The following SPIN1 variants were observed in gnomAD, a reference collection of about 807,000 sequenced individuals.
SPIN1 encodes spindlin-1.
In SPIN1, 3 loss-of-function variants were observed where a neutral mutation model predicts 26.0. The ratio of observed to expected loss-of-function variants is 0.12; its 90% CI spans 0.05 to 0.30. The LOEUF is 0.30. Ranked by LOEUF, SPIN1 falls within the 10% of genes least tolerant of loss-of-function variation. SPIN1 has a pLI of 1.00. For missense variants in SPIN1, 126 were observed against 333.4 expected (o/e 0.38, Z 4.84); for synonymous variants, 101 against 116.5 (o/e 0.87, Z 0.86).
chr9:88,420,791 C>G (rs1827654373), intron 1 of SPIN1, among the ~76,000 whole-genome samples: 1 of 152,126 alleles, frequency 6.6e-6, no homozygotes, highest in Non-Finnish European at 1.5e-5. Context: ...AATTCATTAT[C>G]AGAGGACTAA....
intron 1 of SPIN1, among the ~76,000 whole-genome samples, chr9:88,394,519 C>T (rs1323830081): frequency 6.6e-6 from 1 of 152,154 alleles, no homozygotes; most frequent in Non-Finnish European, 1.5e-5. Flanking sequence ...ATGAGCTTAT[C>T]CTTTTTTCTC....
chr9:88,422,147 T>G (rs1469656265), intron 1 of SPIN1, among the ~76,000 whole-genome samples: 2 of 152,216 alleles, frequency 1.3e-5, no homozygotes, highest in Non-Finnish European at 2.9e-5. Flanking sequence ...ATTATTGTTC[T>G]CCAGCAACCT....
intron 3 of SPIN1, among the ~76,000 whole-genome samples, chr9:88,459,635 A>G (rs1180448895): frequency 6.6e-6 from 1 of 152,214 alleles, no homozygotes; most frequent in Non-Finnish European, 1.5e-5. Context: ...TTGAAATATC[A>G]GAACAGATAA....
chr9:88,404,600 C>G lies in SPIN1; in HGVS notation c.-159+16062C>G, dbSNP rs150599158. Among the ~76,000 whole-genome samples the G allele has an allele frequency of 7.4e-3, 1,129 of 152,086 alleles. 16 individuals carry two copies. The highest frequency in any genetic ancestry group is 0.025 in the African/African-American group (1,056 of 41,490). ...TAAAAATTTATTACTTTTGTTTTTA[C>G]TTTTTAAACTTTTTGTTAAAAACTA... is the stretch of plus-strand genomic sequence containing the variant. On this transcript the variant is annotated intron_variant, in intron 1 of 5. Coordinates refer to ENST00000375859, the MANE Select transcript of SPIN1 (RefSeq NM_006717.3).
intron 2 of SPIN1, among the ~76,000 whole-genome samples, chr9:88,434,253 A>G (rs942778778): frequency 6.6e-6 from 1 of 151,946 alleles, no homozygotes; most frequent in Non-Finnish European, 1.5e-5. Flanking sequence ...TTTCTCTTGC[A>G]TATTATGGTT....
At chr9:88,413,222 A>G (rs1487582299) in intron 1 of SPIN1, among the ~76,000 whole-genome samples, 1 of 149,060 alleles carries the variant, frequency 6.7e-6, no homozygotes, top group Admixed American at 6.7e-5. Flanking sequence ...GCGTGCCACC[A>G]CATCTGGCTA....
chr9:88,409,792 C>T (rs973787502), intron 1 of SPIN1, among the ~76,000 whole-genome samples: 19 of 151,222 alleles, frequency 1.3e-4, no homozygotes, highest in South Asian at 2.1e-4. Context: ...GAGCTGAGAT[C>T]GCGCCACTGC....
intron 2 of SPIN1, among the ~76,000 whole-genome samples, chr9:88,444,499 T>A (rs1362312812): frequency 6.6e-6 from 1 of 151,922 alleles, no homozygotes; most frequent in African/African-American, 2.4e-5. Context: ...CGCCTCAGCC[T>A]CCCAAAGTGC....
chr9:88,470,717 C>G (rs1828765723), intron 5 of SPIN1, among the ~76,000 whole-genome samples: 1 of 152,024 alleles, frequency 6.6e-6, no homozygotes, highest in African/African-American at 2.4e-5. Context: ...GCCTCAGCCT[C>G]CCCAGTAGCT....
intron 1 of SPIN1, among the ~76,000 whole-genome samples, chr9:88,409,909 TTC>T (rs1827400666): frequency 6.6e-6 from 1 of 152,080 alleles, no homozygotes; most frequent in Non-Finnish European, 1.5e-5. Flanking sequence ...CCTTCTTAAG[TTC>T]AGCAATTCAG....
At chr9:88,451,459 G>C (rs1479290375) in intron 3 of SPIN1, among the ~76,000 whole-genome samples, 4 of 152,196 alleles carry the variant, frequency 2.6e-5, no homozygotes, top group African/African-American at 9.7e-5. Flanking sequence ...CCTATAGGCT[G>C]AGCACCTTGT....
intron 1 of SPIN1, among the ~76,000 whole-genome samples, chr9:88,408,991 G>A (rs943555732): frequency 5.4e-5 from 8 of 147,986 alleles, no homozygotes; most frequent in Non-Finnish European, 8.9e-5. Context: ...TTGTGTGTGT[G>A]TGTGTGTGTG....
chr9:88,447,337 C>A (rs1343439690), intron 2 of SPIN1, among the ~76,000 whole-genome samples: 1 of 151,972 alleles, frequency 6.6e-6, no homozygotes, highest in Non-Finnish European at 1.5e-5. Context: ...TACTTTATTT[C>A]ATTCATAGTC....
At chr9:88,401,426 G>A (rs1300509096) in intron 1 of SPIN1, among the ~76,000 whole-genome samples, 1 of 152,068 alleles carries the variant, frequency 6.6e-6, no homozygotes, top group Non-Finnish European at 1.5e-5. Flanking sequence ...CACTCCGCCT[G>A]CCTCCCCGCC....
At chr9:88,421,578 C>G (rs985407946) in intron 1 of SPIN1, among the ~76,000 whole-genome samples, 1 of 152,110 alleles carries the variant, frequency 6.6e-6, no homozygotes, top group Non-Finnish European at 1.5e-5. Flanking sequence ...TGTGCCTGGC[C>G]TTAAGTGTCT....
chr9:88,452,706 T>C (rs1194238162), intron 3 of SPIN1, among the ~76,000 whole-genome samples: 2 of 152,218 alleles, frequency 1.3e-5, no homozygotes, highest in African/African-American at 4.8e-5. Context: ...ATTGTTGACA[T>C]TTTAATCTGG....
At chr9:88,405,892 G>T (rs922295589) in intron 1 of SPIN1, among the ~76,000 whole-genome samples, 6 of 152,016 alleles carry the variant, frequency 3.9e-5, no homozygotes, top group Non-Finnish European at 8.8e-5. Context: ...CTGGAGTGCA[G>T]TGGTGCCATC....
intron 3 of SPIN1, among the ~76,000 whole-genome samples, chr9:88,451,710 C>G (rs558277967): frequency 6.6e-6 from 1 of 152,052 alleles, no homozygotes; most frequent in African/African-American, 2.4e-5. Flanking sequence ...ACAGGCGTGC[C>G]GCAGCACGCC....
intron 1 of SPIN1, among the ~76,000 whole-genome samples, chr9:88,390,798 C>A (rs1826903614): frequency 6.6e-6 from 1 of 152,148 alleles, no homozygotes; most frequent in Non-Finnish European, 1.5e-5. Context: ...GAAATTGACT[C>A]CTTACTGGTC....
Sources: allele counts gnomAD v4.1 joint callset (sites outside exome capture counted in the v4.1 genomes callset), GRCh38; gene constraint gnomAD v4.1.1; transcripts MANE v1.5; gene names NCBI Gene and HGNC (gene_info 2026-07-23, HGNC 2026-07-21).